The following KHDRBS2 variants were observed in gnomAD, a reference collection of about 807,000 sequenced individuals.
KHDRBS2 encodes the protein KH domain-containing, RNA-binding, signal transduction-associated protein 2.
Under a neutral mutation model 44.3 loss-of-function variants are expected in KHDRBS2, and 26 were observed. The observed-to-expected ratio is 0.59, with a 90% CI of 0.43 to 0.81. The LOEUF (loss-of-function observed/expected upper bound fraction) is 0.81, where lower values mean the gene tolerates loss of function less well. KHDRBS2 is among the 40% of genes least tolerant of loss of function. The pLI, the probability that KHDRBS2 is intolerant of heterozygous loss-of-function variation, is 0.00. For missense variants in KHDRBS2, 476 were observed against 433.1 expected (o/e 1.10, Z -0.88); for synonymous variants, 194 against 151.1 (o/e 1.28, Z -2.08).
At chr6:61,667,301 T>A in the KHDRBS2 span, among the ~76,000 whole-genome samples, 2 of 151,030 alleles carry the variant, frequency 1.3e-5, no homozygotes, top group African/African-American at 4.8e-5. Flanking sequence ...AATTCTGATA[T>A]TTTAAACATA....
At chr6:61,663,052 A>G in the KHDRBS2 span, among the ~76,000 whole-genome samples, 1 of 151,948 alleles carries the variant, frequency 6.6e-6, no homozygotes, top group Non-Finnish European at 1.5e-5. Context: ...CAAATACACC[A>G]CGGAATACTA....
chr6:61,917,361 T>G (rs959125384), intron 4 of KHDRBS2, among the ~76,000 whole-genome samples: 6 of 151,936 alleles, frequency 3.9e-5, no homozygotes, highest in Non-Finnish European at 5.9e-5. Flanking sequence ...ATTAAAAGCT[T>G]AAATGTATAT....
intron 4 of KHDRBS2, among the ~76,000 whole-genome samples, chr6:61,931,023 C>T (rs1190072787): frequency 4.0e-5 from 6 of 151,678 alleles, no homozygotes; most frequent in Non-Finnish European, 5.9e-5. Context: ...AATAAAATAC[C>T]ACCTAATTTT....
Position 62,285,881 on chromosome 6 carries a change from T to C in KHDRBS2, c.68A>G (p.His23Arg), listed in dbSNP as rs201690272. ...ACCTTCTGCCAAAAGGCGCGACGCATGCACAAAAGATGGATCCAGGCTATC... is the reference window on the plus strand; with the variant it reads ...ACCTTCTGCCAAAAGGCGCGACGCACGCACAAAAGATGGATCCAGGCTATC... ...EKDSLDPSFV[H>R]ASRLLAEEIE... Residue 23 changes from histidine (H) to arginine (R), a missense_variant, in exon 1 of 9, where the codon CAT becomes CGT. By Grantham distance (29) the His-to-Arg change is conservative (BLOSUM62 0). Coordinates refer to ENST00000281156, the MANE Select transcript of KHDRBS2 (RefSeq NM_152688.4). 4 of 1,613,338 alleles carry C rather than the reference T, an allele frequency of 2.5e-6. No homozygotes were observed. The highest frequency in any genetic ancestry group is 2.5e-6 in the Non-Finnish European group (3 of 1,179,672).
intron 6 of KHDRBS2, among the ~76,000 whole-genome samples, chr6:61,860,943 T>A (rs1796863910): frequency 6.6e-6 from 1 of 152,122 alleles, no homozygotes; most frequent in South Asian, 2.1e-4. Flanking sequence ...CTCATTATGG[T>A]TTTGATTTGC....
At chr6:61,549,976 T>C in the KHDRBS2 span, among the ~76,000 whole-genome samples, 1 of 152,202 alleles carries the variant, frequency 6.6e-6, no homozygotes, top group Admixed American at 6.5e-5. Flanking sequence ...ACAAAAACCA[T>C]TCTTTTTTAA....
At chr6:61,967,535 G>A (rs1770303111) in intron 4 of KHDRBS2, among the ~76,000 whole-genome samples, 1 of 151,852 alleles carries the variant, frequency 6.6e-6, no homozygotes, top group Non-Finnish European at 1.5e-5. Flanking sequence ...GGTCAGTGGG[G>A]AAAGGAGAGG....
intron 6 of KHDRBS2, among the ~76,000 whole-genome samples, chr6:61,891,687 A>T (rs923714293): frequency 2.0e-5 from 3 of 152,210 alleles, no homozygotes; most frequent in African/African-American, 7.2e-5. Flanking sequence ...AAGGCCTGTG[A>T]CAAAATTCAA....
chr6:61,872,092 TA>T (rs1283038210), intron 6 of KHDRBS2, among the ~76,000 whole-genome samples: 4 of 150,712 alleles, frequency 2.7e-5, no homozygotes, highest in East Asian at 3.9e-4. Flanking sequence ...TAAAGTATAA[TA>T]AAAAAAAGAA....
chr6:62,081,374 G>A (rs1409154857), intron 2 of KHDRBS2, among the ~76,000 whole-genome samples: 1 of 152,110 alleles, frequency 6.6e-6, no homozygotes, highest in Non-Finnish European at 1.5e-5. Flanking sequence ...GGACAGAGAG[G>A]ATTTAAGTGT....
chr6:61,604,945 C>T, the KHDRBS2 span, among the ~76,000 whole-genome samples: 3 of 152,122 alleles, frequency 2.0e-5, no homozygotes, highest in African/African-American at 7.2e-5. Flanking sequence ...TCAAATCACC[C>T]AAGCAGTTTC....
At chr6:61,664,437 A>G in the KHDRBS2 span, among the ~76,000 whole-genome samples, 1 of 151,690 alleles carries the variant, frequency 6.6e-6, no homozygotes, top group Non-Finnish European at 1.5e-5. Flanking sequence ...GACATAGGAA[A>G]AAAACAACAA....
At chr6:61,925,725 C>CAAAAA (rs563177938) in intron 4 of KHDRBS2, among the ~76,000 whole-genome samples, 7,829 of 88,734 alleles carry the variant, frequency 0.088, 264 homozygotes, top group Middle Eastern at 0.21. Context: ...CTCTCTCTCT[C>CAAAAA]AAAAAAAAAA....
chr6:61,648,462 C>T, the KHDRBS2 span, among the ~76,000 whole-genome samples: 1 of 152,242 alleles, frequency 6.6e-6, no homozygotes, highest in East Asian at 1.9e-4. Flanking sequence ...GCCTTTTCCA[C>T]AGCTATTCTA....
intron 6 of KHDRBS2, among the ~76,000 whole-genome samples, chr6:61,803,550 T>A (rs1464587312): frequency 6.6e-6 from 1 of 152,190 alleles, no homozygotes; most frequent in Non-Finnish European, 1.5e-5. Flanking sequence ...ATCTTCAAAA[T>A]AATACTATTG....
At position 62,129,717 on chromosome 6, in the gene KHDRBS2, A is replaced by AT. The variant is rs532870375; in HGVS notation, c.219+47467dup. ...TTAATTGAATTAAAATAGCATTAAA[A>AT]TTTTTTTTTCACTTTTACTAGCCAT... On this transcript the variant is annotated intron_variant, in intron 2 of 8. Coordinates refer to ENST00000281156, the MANE Select transcript of KHDRBS2 (RefSeq NM_152688.4). Among the ~76,000 whole-genome samples, 37 of 151,612 alleles carry AT rather than the reference A, an allele frequency of 2.4e-4. No homozygotes were observed. The East Asian group carries it at 4.1e-3, about 17-fold the overall frequency.
chr6:61,810,712 T>G (rs1787983390), intron 6 of KHDRBS2, among the ~76,000 whole-genome samples: 6 of 151,918 alleles, frequency 3.9e-5, no homozygotes, highest in Admixed American at 3.3e-4. Context: ...GGTACAAAAC[T>G]CTTATAGAAT....
At chr6:61,599,699 T>C in the KHDRBS2 span, among the ~76,000 whole-genome samples, 1 of 152,186 alleles carries the variant, frequency 6.6e-6, no homozygotes, top group Non-Finnish European at 1.5e-5. Context: ...CAGAAACCTT[T>C]CATGGATGGG....
At chr6:61,626,617 A>C in the KHDRBS2 span, among the ~76,000 whole-genome samples, 1 of 152,196 alleles carries the variant, frequency 6.6e-6, no homozygotes, top group Non-Finnish European at 1.5e-5. Flanking sequence ...TATTCTAGAC[A>C]TTTGGTTAAG....
Sources: gnomAD v4.1 joint callset for allele counts (sites outside exome capture counted in the v4.1 genomes callset) on GRCh38, gnomAD v4.1.1 for gene constraint, MANE v1.5 for transcripts, NCBI Gene and HGNC (gene_info 2026-07-23, HGNC 2026-07-21) for gene names.